Variants in TMEM132D observed in about 807,000 individuals in gnomAD.
The protein encoded by TMEM132D is mature OL transmembrane protein.
TMEM132D carries 21 observed loss-of-function variants against 62.3 expected under a neutral mutation model. That is an observed-to-expected ratio of 0.34 (90% CI 0.24 to 0.49). TMEM132D has a LOEUF of 0.49. TMEM132D is among the 20% of genes least tolerant of loss of function. TMEM132D has a pLI of 0.99. For missense variants in TMEM132D, 1,346 were observed against 1,402.8 expected, an observed-to-expected ratio of 0.96 and a Z score of 0.65; for synonymous variants, 621 against 575.6, an observed-to-expected ratio of 1.08 and a Z score of -1.13.
intron 3 of TMEM132D, among the ~76,000 whole-genome samples, chr12:129,381,883 C>T (rs764637587): frequency 2.6e-5 from 4 of 152,142 alleles, no homozygotes; most frequent in African/African-American, 9.7e-5. Flanking sequence ...CCAGCATAAC[C>T]ACTTCCTCGG....
chr12:129,700,375 G>A lies in TMEM132D; in HGVS notation c.403C>T (p.Arg135Trp), dbSNP rs138159153. The change falls in exon 2 of 9, where the codon CGG becomes TGG. Residue 135 changes from arginine to tryptophan, a missense_variant. Coordinates refer to ENST00000422113, the MANE Select transcript of TMEM132D (RefSeq NM_133448.3). ...GGCCGGCTCAGGTAGACTTTGTCCC[G>A]CAGGATGTGGGCTTTTAGTTTCCAG... The part of the protein sequence containing the change: ...LNWKLKAHIL[R>W]DKVYLSRPKV... 5.3e-5 allele frequency: 86 copies of A among 1,614,048 alleles called. 2 individuals are homozygous for A. The Middle Eastern group carries it at 8.3e-4, about 15-fold the overall frequency.
At chr12:129,363,081 G>C (rs78692300) in intron 3 of TMEM132D, among the ~76,000 whole-genome samples, 3,132 of 152,252 alleles carry the variant, frequency 0.021, 70 homozygotes, top group Admixed American at 0.064. Flanking sequence ...AGTATTTTTA[G>C]AGAAAACACA....
In TMEM132D at chr12:129,106,059, C is replaced by G. The variant is rs969951351; in HGVS notation, c.1444-21357G>C. On this transcript the variant is annotated intron_variant, in intron 5 of 8. Coordinates refer to ENST00000422113, the MANE Select transcript of TMEM132D (RefSeq NM_133448.3). ...TAGACTGGATTAAGAAAATGTGGCACATATACACCATGGAATACTATGCAG... is the reference window on the plus strand; with the variant it reads ...TAGACTGGATTAAGAAAATGTGGCAGATATACACCATGGAATACTATGCAG... Among the ~76,000 whole-genome samples the G allele has an allele frequency of 5.6e-4, 84 of 151,314 alleles. No homozygotes were observed. In the South Asian group the frequency reaches 0.017, roughly 31 times the overall value.
At chr12:129,386,850 C>T (rs932560154) in intron 3 of TMEM132D, among the ~76,000 whole-genome samples, 5 of 151,842 alleles carry the variant, frequency 3.3e-5, no homozygotes, top group Middle Eastern at 3.4e-3. Flanking sequence ...ACACCAACAC[C>T]GACACCACCA....
chr12:129,763,959 A>G (rs1164298861), intron 1 of TMEM132D, among the ~76,000 whole-genome samples: 1 of 152,198 alleles, frequency 6.6e-6, no homozygotes, highest in Non-Finnish European at 1.5e-5. Flanking sequence ...GCCTCTTGGC[A>G]TGATTTAATC....
At chr12:129,114,576 T>C (rs1238269671) in intron 5 of TMEM132D, among the ~76,000 whole-genome samples, 1 of 152,202 alleles carries the variant, frequency 6.6e-6, no homozygotes, top group Non-Finnish European at 1.5e-5. Flanking sequence ...TGCAGCTCAA[T>C]GACATTTCAT....
intron 2 of TMEM132D, among the ~76,000 whole-genome samples, chr12:129,642,921 T>TTC (rs1491504535): frequency 1.7e-4 from 5 of 29,174 alleles, no homozygotes; most frequent in Non-Finnish European, 2.6e-4. Flanking sequence ...TTTACAAATC[T>TTC]TTTTTTTTTT....
At chr12:129,513,998 T>C (rs561553203) in intron 3 of TMEM132D, among the ~76,000 whole-genome samples, 151 of 149,014 alleles carry the variant, frequency 1.0e-3, no homozygotes, top group South Asian at 3.6e-3. Flanking sequence ...CCACCACGCC[T>C]GGCTAATTTT....
intron 1 of TMEM132D, among the ~76,000 whole-genome samples, chr12:129,771,154 G>A (rs1365513057): frequency 6.6e-6 from 1 of 152,180 alleles, no homozygotes; most frequent in Non-Finnish European, 1.5e-5. Context: ...CATGAAGCAC[G>A]CTCACCACTC....
At chr12:129,854,412 C>T (rs76970555) in intron 1 of TMEM132D, 4,837 of 152,330 alleles carry the variant, frequency 0.032, 131 homozygotes, top group South Asian at 0.09. Context: ...GGCACACAGT[C>T]AATGCTCACG....
intron 2 of TMEM132D, among the ~76,000 whole-genome samples, chr12:129,686,915 T>C (rs563291364): frequency 6.6e-6 from 1 of 152,336 alleles, no homozygotes; most frequent in South Asian, 2.1e-4. Flanking sequence ...GGATGAAATG[T>C]TTCTACACGC....
At chr12:129,775,105 T>C (rs561749576) in intron 1 of TMEM132D, among the ~76,000 whole-genome samples, 56 of 152,362 alleles carry the variant, frequency 3.7e-4, no homozygotes, top group Non-Finnish European at 7.5e-4. Context: ...TCTCAATAAA[T>C]GCCTAGCCTT....
chr12:129,144,913 T>TCTATCTATCTAC (rs1181731099), intron 5 of TMEM132D, among the ~76,000 whole-genome samples: 97 of 152,110 alleles, frequency 6.4e-4, no homozygotes, highest in African/African-American at 2.3e-3. Flanking sequence ...TATCTATCTA[T>TCTATCTATCTAC]CTATCTATCT....
At position 129,179,476 on chromosome 12, in the gene TMEM132D, C is replaced by T. The variant is rs531356685; in HGVS notation, c.1443+30044G>A. Among the ~76,000 whole-genome samples, 11 of 152,230 alleles carry T rather than the reference C, an allele frequency of 7.2e-5. No individual in the cohort carries two copies. In the South Asian group the frequency reaches 1.7e-3, roughly 23 times the overall value. Reference sequence around the variant, plus strand: ...GAGACAAGGGTGATGGAGTAATTCTCTCCAGTTGTTTCATATCCAGAGCTG... The same window carrying T: ...GAGACAAGGGTGATGGAGTAATTCTTTCCAGTTGTTTCATATCCAGAGCTG... On this transcript the variant is annotated intron_variant, in intron 5 of 8. Coordinates refer to ENST00000422113, the MANE Select transcript of TMEM132D (RefSeq NM_133448.3).
intron 4 of TMEM132D, among the ~76,000 whole-genome samples, chr12:129,257,308 G>A (rs1365014558): frequency 1.3e-5 from 2 of 149,046 alleles, no homozygotes; most frequent in South Asian, 2.2e-4. Context: ...CCGGGTTCAC[G>A]CCATTCTCCT....
At chr12:129,171,964 C>G (rs1056798639) in intron 5 of TMEM132D, among the ~76,000 whole-genome samples, 1 of 152,144 alleles carries the variant, frequency 6.6e-6, no homozygotes, top group African/African-American at 2.4e-5. Context: ...GTCAGCCTGT[C>G]CTTTGGAGCT....
intron 1 of TMEM132D, among the ~76,000 whole-genome samples, chr12:129,868,817 T>C (rs1239942341): frequency 6.6e-6 from 1 of 152,086 alleles, no homozygotes; most frequent in East Asian, 1.9e-4. Flanking sequence ...GTGTTTTGGC[T>C]ACCATGCAGC....
intron 4 of TMEM132D, among the ~76,000 whole-genome samples, chr12:129,274,701 A>G (rs1199799958): frequency 6.6e-6 from 1 of 152,128 alleles, no homozygotes; most frequent in African/African-American, 2.4e-5. Flanking sequence ...CCTGGCTACC[A>G]CAGTGAAACC....
At chr12:129,839,732 C>G (rs932380413) in intron 1 of TMEM132D, among the ~76,000 whole-genome samples, 12 of 152,210 alleles carry the variant, frequency 7.9e-5, no homozygotes, top group African/African-American at 2.9e-4. Flanking sequence ...CAGTCCATAG[C>G]AGGTCACTTG....
Sources: allele counts gnomAD v4.1 joint callset (sites outside exome capture counted in the v4.1 genomes callset), GRCh38; gene constraint gnomAD v4.1.1; transcripts MANE v1.5; gene names NCBI Gene and HGNC (gene_info 2026-07-23, HGNC 2026-07-21).